TBPL1: variants seen among roughly 807,000 people sequenced by gnomAD.
TBPL1 encodes TATA box-binding protein-like 1.
A neutral mutation model predicts 22.1 loss-of-function variants in TBPL1; 4 were observed. That is an observed-to-expected ratio of 0.18 (90% CI 0.09 to 0.41). The LOEUF (loss-of-function observed/expected upper bound fraction) is 0.41, where lower values mean the gene tolerates loss of function less well. Among genes scored for constraint, TBPL1 ranks in the 10% least tolerant of loss-of-function variants. The pLI is 1.00. For synonymous variants in TBPL1, 64 were observed against 71.0 expected, an observed-to-expected ratio of 0.90 and a Z score of 0.50; for missense variants, 115 against 222.3, an observed-to-expected ratio of 0.52 and a Z score of 3.07.
intron 1 of TBPL1, among the ~76,000 whole-genome samples, chr6:133,978,743 G>A (rs180710018): frequency 1.3e-5 from 2 of 152,234 alleles, no homozygotes; most frequent in Admixed American, 1.3e-4. Context: ...TCTTGGTCTG[G>A]TTTGCCACTG....
intron 1 of TBPL1, among the ~76,000 whole-genome samples, chr6:133,953,790 G>A (rs750273773): frequency 1.3e-5 from 2 of 152,128 alleles, no homozygotes; most frequent in Non-Finnish European, 2.9e-5. Flanking sequence ...TTCCTCATCT[G>A]TCTCGGAGCC....
chr6:133,956,101 T>C (rs1447909667), intron 1 of TBPL1, among the ~76,000 whole-genome samples: 2 of 152,236 alleles, frequency 1.3e-5, no homozygotes, highest in Non-Finnish European at 2.9e-5. Flanking sequence ...AGGATACCAG[T>C]AATAACCTAG....
chr6:133,960,418 CTT>C (rs765884620), intron 1 of TBPL1, among the ~76,000 whole-genome samples: 34 of 131,546 alleles, frequency 2.6e-4, no homozygotes, highest in Non-Finnish European at 2.6e-4. Context: ...GCTGACCAGC[CTT>C]TTTTTTTTTT....
In TBPL1 at chr6:133,987,648, G is replaced by GCACCACATGTGTATATATA. The variant is rs1776554666; in HGVS notation, c.*608_*609insCACCACATGTGTATATATA. Reference sequence around the variant, plus strand: ...TTTGTGTGTGTGTGTGTGTGTGTGTGTATATATATATATATATATGCACCA... The same window carrying GCACCACATGTGTATATATA: ...TTTGTGTGTGTGTGTGTGTGTGTGTGCACCACATGTGTATATATATATATATATATATATATATGCACCA... On this transcript the variant is annotated 3_prime_UTR_variant, in exon 7 of 7. Transcript: ENST00000237264. 1.1e-5 allele frequency: 1 copy of GCACCACATGTGTATATATA among 88,320 alleles called. No homozygotes were observed. The highest frequency in any genetic ancestry group is 3.6e-5 in the African/African-American group (1 of 27,502). 5.5% of individuals were successfully genotyped at this position (88,320 alleles called of 1,614,324 possible).
intron 1 of TBPL1, 62 bp from the exon 2 acceptor site, chr6:133,980,020 A>G: frequency 8.3e-7 from 1 of 1,205,624 alleles, no homozygotes; most frequent in Admixed American, 3.2e-5. Flanking sequence ...TCAATTTCAA[A>G]ATTGTGAAAA....
chr6:133,977,691 C>A (rs1314763892), intron 1 of TBPL1, among the ~76,000 whole-genome samples: 1 of 152,166 alleles, frequency 6.6e-6, no homozygotes, highest in Non-Finnish European at 1.5e-5. Flanking sequence ...TCACAGAAAT[C>A]CAACATGAGG....
chr6:133,978,193 G>A (rs1442352531), intron 1 of TBPL1, among the ~76,000 whole-genome samples: 1 of 152,138 alleles, frequency 6.6e-6, no homozygotes, highest in African/African-American at 2.4e-5. Flanking sequence ...CTCAGTAACT[G>A]GGCTCTAATG....
chr6:133,974,573 C>T (rs1186182276), intron 1 of TBPL1, among the ~76,000 whole-genome samples: 2 of 152,220 alleles, frequency 1.3e-5, no homozygotes, highest in Admixed American at 6.5e-5. Flanking sequence ...GTGATCCACT[C>T]ACCTTGCCCT....
chr6:133,977,250 T>C (rs1298022932), intron 1 of TBPL1, among the ~76,000 whole-genome samples: 4 of 152,152 alleles, frequency 2.6e-5, no homozygotes, highest in Admixed American at 2.6e-4. Context: ...ATTAAAGCAA[T>C]CTTTTCTGAG....
intron 1 of TBPL1, among the ~76,000 whole-genome samples, chr6:133,971,452 G>A (rs1399813109): frequency 2.0e-5 from 3 of 152,152 alleles, no homozygotes; most frequent in African/African-American, 4.8e-5. Context: ...GCTGGATCAT[G>A]TGGTAGTTCT....
intron 1 of TBPL1, among the ~76,000 whole-genome samples, chr6:133,971,683 C>T (rs954512729): frequency 2.6e-5 from 4 of 151,804 alleles, no homozygotes; most frequent in Non-Finnish European, 5.9e-5. Context: ...CCTTATGATA[C>T]GTGATGTTGA....
At chr6:133,961,910 C>G (rs983007643) in intron 1 of TBPL1, among the ~76,000 whole-genome samples, 3 of 152,050 alleles carry the variant, frequency 2.0e-5, no homozygotes, top group African/African-American at 7.3e-5. Context: ...TCTTTTTCTT[C>G]CACTGAAATA....
chr6:133,960,552 A>C (rs1036205132), intron 1 of TBPL1, among the ~76,000 whole-genome samples: 1 of 152,138 alleles, frequency 6.6e-6, no homozygotes, highest in African/African-American at 2.4e-5. Flanking sequence ...TACATTTAGA[A>C]TGCATGCCTC....
intron 1 of TBPL1, among the ~76,000 whole-genome samples, chr6:133,978,564 T>C (rs1349174001): frequency 1.3e-5 from 2 of 152,156 alleles, no homozygotes; most frequent in Admixed American, 6.5e-5. Flanking sequence ...TCACTCCTCA[T>C]ACGTAAAAAT....
intron 1 of TBPL1, among the ~76,000 whole-genome samples, chr6:133,965,315 T>C (rs1159710970): frequency 6.6e-6 from 1 of 152,202 alleles, no homozygotes; most frequent in East Asian, 1.9e-4. Flanking sequence ...ATATAAGACC[T>C]GCTCAAGAAA....
At chr6:133,971,276 G>A (rs529256566) in intron 1 of TBPL1, among the ~76,000 whole-genome samples, 2 of 152,052 alleles carry the variant, frequency 1.3e-5, no homozygotes, top group South Asian at 2.1e-4. Flanking sequence ...ATTTCTTACA[G>A]CTGAATAATA....
chr6:133,966,941 C>T (rs190410039), intron 1 of TBPL1, among the ~76,000 whole-genome samples: 32 of 152,316 alleles, frequency 2.1e-4, no homozygotes, highest in African/African-American at 6.7e-4. Context: ...AATGCAAATA[C>T]GTGATGTCAG....
intron 1 of TBPL1, among the ~76,000 whole-genome samples, chr6:133,960,707 C>A (rs1776007235): frequency 6.6e-6 from 1 of 152,126 alleles, no homozygotes; most frequent in African/African-American, 2.4e-5. Context: ...GCTTCATCAT[C>A]ACACCCTGTT....
At chr6:133,965,785 T>C (rs780541435) in intron 1 of TBPL1, among the ~76,000 whole-genome samples, 2 of 152,300 alleles carry the variant, frequency 1.3e-5, no homozygotes, top group African/African-American at 2.4e-5. Flanking sequence ...AGAAATCCTT[T>C]CCATTTTTGA....
Sources: gnomAD v4.1 joint callset for allele counts (sites outside exome capture counted in the v4.1 genomes callset) on GRCh38, gnomAD v4.1.1 for gene constraint, MANE v1.5 for transcripts, NCBI Gene and HGNC (gene_info 2026-07-23, HGNC 2026-07-21) for gene names.